NLGN1: variants seen among roughly 807,000 people sequenced by gnomAD.
NLGN1 encodes neuroligin 1, also known as neuroligin-1.
NLGN1 carries 12 observed loss-of-function variants against 65.5 expected under a neutral mutation model. The observed-to-expected ratio is 0.18, with a 90% CI of 0.12 to 0.30. The LOEUF (loss-of-function observed/expected upper bound fraction) is 0.30. Among genes scored for constraint, NLGN1 ranks in the 10% least tolerant of loss-of-function variants. The pLI, the probability that NLGN1 is intolerant of heterozygous loss-of-function variation, is 1.00. For synonymous variants in NLGN1, 350 were observed against 359.5 expected (o/e 0.97, Z 0.30); for missense variants, 750 against 1,007.1 (o/e 0.74, Z 3.46).
At position 173,918,616 on chromosome 3, in the gene NLGN1, G is replaced by T. The variant is rs576872235; in HGVS notation, c.646+110784G>T. Among the ~76,000 whole-genome samples, 3 of 134,138 alleles carry T rather than the reference G, an allele frequency of 2.2e-5. No individual in the cohort carries two copies. In the South Asian group the frequency reaches 7.3e-4, roughly 33 times the overall value. The allele number at this position is 134,138 out of a possible 152,430, so 88.0% of individuals were successfully genotyped here. ...CCATTGCACTCCAGCCTGGGTGACA[G>T]TGAGACTCCATCTCAAAAAAAAAAA... On this transcript the variant is annotated intron_variant, in intron 4 of 6. Transcript: ENST00000457714.
chr3:173,675,433 G>T (rs1762989666), intron 3 of NLGN1, among the ~76,000 whole-genome samples: 1 of 149,558 alleles, frequency 6.7e-6, no homozygotes, highest in Admixed American at 6.7e-5. Context: ...GAAGTAAATT[G>T]AACAATTTAT....
At chr3:173,787,183 GTA>G (rs1317032580) in intron 3 of NLGN1, among the ~76,000 whole-genome samples, 1 of 151,992 alleles carries the variant, frequency 6.6e-6, no homozygotes, top group Non-Finnish European at 1.5e-5. Flanking sequence ...TTCTCTTAGT[GTA>G]TTTAAAATTT....
intron 3 of NLGN1, among the ~76,000 whole-genome samples, chr3:173,781,918 T>G (rs952126811): frequency 5.3e-5 from 8 of 152,184 alleles, no homozygotes; most frequent in African/African-American, 1.9e-4. Flanking sequence ...AACCTTAAAG[T>G]AATTTTTTCA....
intron 3 of NLGN1, among the ~76,000 whole-genome samples, chr3:173,717,351 C>T (rs1386041614): frequency 6.6e-6 from 1 of 152,144 alleles, no homozygotes; most frequent in Non-Finnish European, 1.5e-5. Context: ...GGTACATTGA[C>T]TTGGTGCATG....
At chr3:174,259,224 C>T (rs968724182) in intron 4 of NLGN1, among the ~76,000 whole-genome samples, 1 of 152,046 alleles carries the variant, frequency 6.6e-6, no homozygotes, top group South Asian at 2.1e-4. Context: ...TTATATATTT[C>T]TCTTTTTATT....
chr3:173,495,305 A>C (rs2149030691), intron 2 of NLGN1, among the ~76,000 whole-genome samples: 1 of 151,858 alleles, frequency 6.6e-6, no homozygotes, highest in Admixed American at 6.6e-5. Flanking sequence ...CTGGTATATA[A>C]AATATATACA....
At chr3:173,754,367 A>G (rs1448954435) in intron 3 of NLGN1, among the ~76,000 whole-genome samples, 1 of 152,054 alleles carries the variant, frequency 6.6e-6, no homozygotes, top group African/African-American at 2.4e-5. Context: ...AAATGTCCTC[A>G]TATTGGTAAA....
At chr3:173,611,755 A>G (rs969605495) in intron 3 of NLGN1, among the ~76,000 whole-genome samples, 2 of 152,102 alleles carry the variant, frequency 1.3e-5, no homozygotes, top group Non-Finnish European at 2.9e-5. Context: ...CTCCTGAAGC[A>G]GATGATTAAA....
chr3:174,280,703 T>C lies in NLGN1; in HGVS notation c.1872T>C (p.Ser624=), dbSNP rs1561468491. The change falls in exon 7 of 7, where the codon TCT becomes TCC. Residue 624 remains serine, a synonymous_variant. Coordinates refer to ENST00000457714, the Ensembl canonical transcript of NLGN1. The surrounding 1 kb of genome is among the most constrained non-coding windows in gnomAD (Gnocchi z 4.9). ...TCAATGACATTTCTCAGTATACCTC[T>C]ACAACAACTAAAGTGCCATCAACTG... 6.2e-7 allele frequency: 1 copy of C among 1,613,404 alleles called. No individual in the cohort carries two copies.
intron 3 of NLGN1, among the ~76,000 whole-genome samples, chr3:173,713,360 G>A (rs1475444142): frequency 2.0e-5 from 3 of 151,954 alleles, no homozygotes; most frequent in African/African-American, 4.8e-5. Flanking sequence ...TTCATAACTC[G>A]TTCTTTTGTC....
rs1735062566 is a variant in NLGN1, at chr3:174,052,267, A to G, written c.647-223048A>G. 2.6e-5 allele frequency among the ~76,000 whole-genome samples: 4 copies of G among 152,156 alleles called. No individual in the cohort carries two copies. The South Asian group carries it at 8.3e-4, about 32-fold the overall frequency. On this transcript the variant is annotated intron_variant, in intron 4 of 6. Coordinates refer to ENST00000457714, the Ensembl canonical transcript of NLGN1. ...AACTCAATGCAGCAGTCTGTAATGCATATGTAAGACAAATTCAGATGATTT... is the reference window on the plus strand; with the variant it reads ...AACTCAATGCAGCAGTCTGTAATGCGTATGTAAGACAAATTCAGATGATTT...
intron 4 of NLGN1, among the ~76,000 whole-genome samples, chr3:174,265,153 C>T (rs964193095): frequency 1.1e-4 from 17 of 151,828 alleles, no homozygotes; most frequent in Non-Finnish European, 2.2e-4. Context: ...GCCCTGCCCC[C>T]AGAGGTGGAG....
intron 2 of NLGN1, among the ~76,000 whole-genome samples, chr3:173,542,027 C>G (rs963505236): frequency 6.6e-6 from 1 of 152,012 alleles, no homozygotes; most frequent in Non-Finnish European, 1.5e-5. Flanking sequence ...CCCTTATTCT[C>G]TCATACTTAA....
chr3:174,009,309 T>C (rs923698809), intron 4 of NLGN1, among the ~76,000 whole-genome samples: 2 of 152,080 alleles, frequency 1.3e-5, no homozygotes, highest in African/African-American at 4.8e-5. Flanking sequence ...ACATATTAAT[T>C]TGGTGGAAGG....
At chr3:174,150,589 A>C (rs984704837) in intron 4 of NLGN1, among the ~76,000 whole-genome samples, 8 of 152,234 alleles carry the variant, frequency 5.3e-5, no homozygotes, top group African/African-American at 1.9e-4. Context: ...GTTAAGCCCA[A>C]ATTAAGAAAG....
At chr3:173,872,899 C>T (rs1157485585) in intron 4 of NLGN1, among the ~76,000 whole-genome samples, 4 of 151,838 alleles carry the variant, frequency 2.6e-5, no homozygotes, top group African/African-American at 7.3e-5. Context: ...TTCTTTATTA[C>T]ATAAGGAGAC....
At chr3:173,702,137 G>A (rs1578028529) in intron 3 of NLGN1, among the ~76,000 whole-genome samples, 1 of 149,344 alleles carries the variant, frequency 6.7e-6, no homozygotes, top group East Asian at 2.0e-4. Context: ...TACTCGGGAG[G>A]CTGAGGCAGG....
At chr3:173,462,899 C>A (rs1251999007) in intron 2 of NLGN1, among the ~76,000 whole-genome samples, 2 of 152,068 alleles carry the variant, frequency 1.3e-5, no homozygotes, top group African/African-American at 4.8e-5. Flanking sequence ...GGCAGTAAGT[C>A]CTCTTTCTAG....
chr3:174,090,347 C>T (rs1744273326), intron 4 of NLGN1, among the ~76,000 whole-genome samples: 1 of 151,986 alleles, frequency 6.6e-6, no homozygotes, highest in African/African-American at 2.4e-5. Flanking sequence ...GTGGCAGGTG[C>T]CTGTAATCCC....
Sources: gnomAD v4.1 joint callset for allele counts (sites outside exome capture counted in the v4.1 genomes callset) on GRCh38, gnomAD v4.1.1 for gene constraint, Gnocchi (gnomAD v3.1) non-coding constraint, MANE v1.5 for transcripts, NCBI Gene and HGNC (gene_info 2026-07-23, HGNC 2026-07-21) for gene names.